The following FOCAD variants were observed in gnomAD, a reference collection of about 807,000 sequenced individuals.
FOCAD encodes KIAA1797.
Under a neutral mutation model 225.6 loss-of-function variants are expected in FOCAD, and 198 were observed. The ratio of observed to expected loss-of-function variants is 0.88; its 90% CI spans 0.78 to 0.99. The LOEUF is 0.99. FOCAD is among the 50% of genes least tolerant of loss of function. FOCAD has a pLI of 0.00. For missense variants in FOCAD, 2,713 were observed against 2,123.6 expected (o/e 1.28, Z -5.46); for synonymous variants, 897 against 755.0 (o/e 1.19, Z -3.08).
At chr9:20,826,025 T>C (rs533649568) in intron 15 of FOCAD, among the ~76,000 whole-genome samples, 118 of 152,192 alleles carry the variant, frequency 7.8e-4, no homozygotes, top group Non-Finnish European at 1.5e-3. Flanking sequence ...TGTATTGATT[T>C]GGGAATTTAC....
chr9:20,730,868 G>A (rs1826628200), intron 4 of FOCAD, among the ~76,000 whole-genome samples: 1 of 151,968 alleles, frequency 6.6e-6, no homozygotes, highest in Non-Finnish European at 1.5e-5. Flanking sequence ...GGAATCTTAA[G>A]TTGGTTTTAA....
chr9:20,913,145 TACACACACACAC>T (rs56856864), intron 23 of FOCAD, among the ~76,000 whole-genome samples, 191 bp downstream of exon 23: 178 of 137,328 alleles, frequency 1.3e-3, no homozygotes, highest in African/African-American at 4.4e-3. Context: ...AAATTATACA[TACACACACACAC>T]ACACACACAC....
At chr9:20,845,778 G>A (rs1173355045) in intron 15 of FOCAD, among the ~76,000 whole-genome samples, 1 of 151,764 alleles carries the variant, frequency 6.6e-6, no homozygotes, top group East Asian at 1.9e-4. Flanking sequence ...TTTTTTATAT[G>A]TGTCTTCATA....
chr9:20,800,579 T>A (rs1259242240), intron 11 of FOCAD, among the ~76,000 whole-genome samples: 1 of 152,158 alleles, frequency 6.6e-6, no homozygotes, highest in Non-Finnish European at 1.5e-5. Context: ...ATTTCTCTTC[T>A]CGCTTCATTT....
chr9:20,735,755 T>C (rs1827107093), intron 4 of FOCAD, among the ~76,000 whole-genome samples: 1 of 151,170 alleles, frequency 6.6e-6, no homozygotes, highest in Non-Finnish European at 1.5e-5. Context: ...ACTCCTGACC[T>C]CAAGTGATCT....
At chr9:20,826,488 G>A (rs1172221646) in intron 15 of FOCAD, among the ~76,000 whole-genome samples, 1 of 151,968 alleles carries the variant, frequency 6.6e-6, no homozygotes, top group African/African-American at 2.4e-5. Flanking sequence ...TGAGGTTTTG[G>A]GACTCAGACT....
intron 5 of FOCAD, among the ~76,000 whole-genome samples, chr9:20,754,195 T>C (rs1828833550): frequency 6.6e-6 from 1 of 152,090 alleles, no homozygotes; most frequent in Non-Finnish European, 1.5e-5. Flanking sequence ...TAAAGAAAAA[T>C]CTTGAGTAAT....
Position 20,931,902 on chromosome 9 carries a change from CAA to C in FOCAD, c.3318-1096_3318-1095del, listed in dbSNP as rs11343467. ...TGGGTGAGAATGCAAGACTCTATCT[CAA>C]AAAAAAAAAAAAAAAGGGGGGGAGA... On this transcript the variant is annotated intron_variant, in intron 27 of 43. Coordinates refer to ENST00000338382, the MANE Select transcript of FOCAD (RefSeq NM_001375567.1). Among the ~76,000 whole-genome samples, 530 of 120,522 alleles carry C rather than the reference CAA, an allele frequency of 4.4e-3. 2 individuals are homozygous for C. The highest frequency in any genetic ancestry group is 5.7e-3 in the Admixed American group (68 of 11,896). 79.1% of individuals were successfully genotyped at this position (120,522 alleles called of 152,430 possible).
intron 4 of FOCAD, among the ~76,000 whole-genome samples, chr9:20,737,252 A>G (rs945976956): frequency 2.6e-5 from 4 of 152,176 alleles, no homozygotes; most frequent in African/African-American, 7.2e-5. Context: ...TGTGATGTCT[A>G]TTCTTTTCTC....
chr9:20,783,484 C>A (rs1357551919), intron 10 of FOCAD, among the ~76,000 whole-genome samples: 1 of 152,028 alleles, frequency 6.6e-6, no homozygotes, highest in Non-Finnish European at 1.5e-5. Flanking sequence ...TTTGCTTCTG[C>A]ACAGAATGCT....
At chr9:20,659,235 C>G (rs1449846910) in intron 2 of FOCAD, among the ~76,000 whole-genome samples, 2 of 140,958 alleles carry the variant, frequency 1.4e-5, no homozygotes, top group Non-Finnish European at 3.1e-5. Flanking sequence ...CCCCGCCCCA[C>G]ACAAAAAAAT....
intron 35 of FOCAD, among the ~76,000 whole-genome samples, chr9:20,963,716 T>C (rs1026272667): frequency 6.6e-6 from 1 of 152,222 alleles, no homozygotes; most frequent in African/African-American, 2.4e-5. Context: ...AGCAACTTAA[T>C]TTTTGTGTTT....
intron 15 of FOCAD, among the ~76,000 whole-genome samples, chr9:20,856,314 C>T (rs1476064845): frequency 6.6e-6 from 1 of 151,916 alleles, no homozygotes; most frequent in East Asian, 1.9e-4. Context: ...GATAATATCT[C>T]ATTGTAGTTT....
chr9:20,774,665 C>G (rs1203961627), intron 8 of FOCAD, among the ~76,000 whole-genome samples: 3 of 152,038 alleles, frequency 2.0e-5, no homozygotes, highest in Admixed American at 2.0e-4. Flanking sequence ...TTTAAATTGT[C>G]TTATTTTGGC....
intron 6 of FOCAD, among the ~76,000 whole-genome samples, chr9:20,758,747 G>A (rs1391050323): frequency 6.6e-6 from 1 of 152,202 alleles, no homozygotes; most frequent in East Asian, 1.9e-4. Context: ...TGCCAACATA[G>A]TGTTGGAAGT....
chr9:20,973,258 C>T (rs1449713027), intron 35 of FOCAD, among the ~76,000 whole-genome samples: 1 of 152,038 alleles, frequency 6.6e-6, no homozygotes, highest in Non-Finnish European at 1.5e-5. Context: ...TCTCTTTGTT[C>T]CTGTGCTTCT....
intron 15 of FOCAD, among the ~76,000 whole-genome samples, chr9:20,840,640 A>G (rs1826429314): frequency 6.7e-6 from 1 of 148,806 alleles, no homozygotes; most frequent in Non-Finnish European, 1.5e-5. Context: ...TGAAGTCTTT[A>G]GGTTTTTTTC....
chr9:20,821,622 G>T (rs574781297), intron 14 of FOCAD, among the ~76,000 whole-genome samples: 1 of 152,024 alleles, frequency 6.6e-6, no homozygotes, highest in Non-Finnish European at 1.5e-5. Flanking sequence ...ACAGGGTGGA[G>T]GTGACAAGAC....
upstream of FOCAD, among the ~76,000 whole-genome samples, chr9:20,680,581 A>C (rs1387469830): frequency 1.3e-5 from 2 of 152,224 alleles, no homozygotes; most frequent in Non-Finnish European, 2.9e-5. Flanking sequence ...TTAAAAATTT[A>C]TATCCCAGTG....
Sources: gnomAD v4.1 joint callset for allele counts (sites outside exome capture counted in the v4.1 genomes callset) on GRCh38, gnomAD v4.1.1 for gene constraint, MANE v1.5 for transcripts, NCBI Gene and HGNC (gene_info 2026-07-23, HGNC 2026-07-21) for gene names.